VAMP7: variants seen among roughly 807,000 people sequenced by gnomAD.
VAMP7 encodes the protein vesicle associated membrane protein 7.
Under a neutral mutation model 29.6 loss-of-function variants are expected in VAMP7, and 14 were observed. The observed-to-expected ratio is 0.47, with a 90% CI of 0.31 to 0.74. The LOEUF (loss-of-function observed/expected upper bound fraction) is 0.74, where lower values mean the gene tolerates loss of function less well. Ranked by LOEUF, VAMP7 falls within the 30% of genes least tolerant of loss-of-function variation. VAMP7 has a pLI of 0.05. For synonymous variants in VAMP7, 95 were observed against 88.1 expected (o/e 1.08, Z -0.44); for missense variants, 223 against 262.4 (o/e 0.85, Z 1.04).
intron 2 of VAMP7, among the ~76,000 whole-genome samples, chrX:155,893,038 C>T (rs1034767130): frequency 5.3e-5 from 8 of 152,102 alleles, no homozygotes; most frequent in African/African-American, 1.7e-4. Context: ...CAGGCATGAG[C>T]CACCGTGCCT....
At chrX:155,926,307 A>G (rs2066466015) in intron 6 of VAMP7, among the ~76,000 whole-genome samples, 1 of 152,234 alleles carries the variant, frequency 6.6e-6, no homozygotes, top group Admixed American at 6.5e-5. Flanking sequence ...GTTGTTTAGT[A>G]TAGCCACCTT....
Position 155,898,161 on chromosome X carries a change from G to A in VAMP7, c.254G>A (p.Arg85Lys). The A allele has an allele frequency of 6.2e-7, 1 of 1,613,596 alleles. No individual in the cohort carries two copies. The highest frequency in any genetic ancestry group is 1.1e-5 in the South Asian group (1 of 91,034). ...AATTTTCTGAATGAGATAAAGAAGA[G>A]GTTCCAGACTACTTACGGTTCAAGA... ...AFNFLNEIKK[R>K]FQTTYGSRAQ... Residue 85 changes from arginine (R) to lysine (K), a missense_variant, in exon 4 of 8, where the codon AGG (arginine) becomes AAG (lysine). Physicochemically the swap from Arg to Lys is conservative, Grantham distance 26. Coordinates refer to ENST00000286448, the MANE Select transcript of VAMP7 (RefSeq NM_005638.6).
At chrX:155,894,657 C>A (rs377326930) in intron 2 of VAMP7, among the ~76,000 whole-genome samples, 1 of 151,948 alleles carries the variant, frequency 6.6e-6, no homozygotes, top group African/African-American at 2.4e-5. Context: ...ACTTTGTTAC[C>A]CAGGCTGGAG....
At chrX:155,903,046 A>C (rs1231918030) in intron 5 of VAMP7, among the ~76,000 whole-genome samples, 6 of 151,712 alleles carry the variant, frequency 4.0e-5, no homozygotes, top group African/African-American at 1.5e-4. Context: ...ACAATTTCAG[A>C]GCCTGTTATT....
rs753127155 is a variant in VAMP7, at chrX:155,943,587, G to A, written c.*1636G>A. The A allele has an allele frequency of 1.2e-4, 18 of 152,082 alleles. No individual in the cohort carries two copies. The highest frequency in any genetic ancestry group is 1.9e-4 in the Non-Finnish European group (13 of 67,928). The allele number at this position is 152,082 out of a possible 1,614,324, so 9.4% of individuals were successfully genotyped here. A position where few individuals can be genotyped will look rare whatever the true frequency, so the allele number is the denominator to read the frequency against. On this transcript the variant is annotated 3_prime_UTR_variant, in exon 8 of 8. Coordinates refer to ENST00000286448, the MANE Select transcript of VAMP7 (RefSeq NM_005638.6). ...CAAATGTTTTTAATCCAAAGAAAAA[G>A]GTTTAAAGCTTATTTCCCTTTCTTA...
intron 2 of VAMP7, 34 bp downstream of exon 2, chrX:155,889,646 A>G (rs1251398648): frequency 1.2e-6 from 2 of 1,610,882 alleles, no homozygotes; most frequent in Non-Finnish European, 1.7e-6. Flanking sequence ...AAGGGATGAA[A>G]GAAGGGAATT....
intron 1 of VAMP7, among the ~76,000 whole-genome samples, chrX:155,882,435 G>A (rs769711748): frequency 6.6e-6 from 1 of 152,222 alleles, no homozygotes; most frequent in South Asian, 2.1e-4. Flanking sequence ...CAGAGGTCAG[G>A]GCATCGTCCA....
At chrX:155,898,091 T>G (rs1186695972) in intron 3 of VAMP7, 21 bp from the exon 4 acceptor site, 1 of 1,610,810 alleles carries the variant, frequency 6.2e-7, no homozygotes, top group Non-Finnish European at 8.5e-7. Context: ...AAATGTGAGT[T>G]CTGTGTTGAT....
At chrX:155,904,320 A>G (rs1343225080) in intron 5 of VAMP7, among the ~76,000 whole-genome samples, 2 of 151,844 alleles carry the variant, frequency 1.3e-5, no homozygotes, top group Admixed American at 6.6e-5. Flanking sequence ...AAACCTGCAC[A>G]TTGTGCACAT....
intron 6 of VAMP7, among the ~76,000 whole-genome samples, chrX:155,933,552 C>T (rs1464791448): frequency 6.6e-6 from 1 of 151,876 alleles, no homozygotes; most frequent in Non-Finnish European, 1.5e-5. Context: ...TGGTGATATC[C>T]CCTTTTATCA....
chrX:155,888,187 G>C (rs2065887726), intron 1 of VAMP7, among the ~76,000 whole-genome samples: 1 of 152,154 alleles, frequency 6.6e-6, no homozygotes, highest in Admixed American at 6.5e-5. Context: ...CTTCTGCTCT[G>C]TGTGCTGTCC....
intron 5 of VAMP7, among the ~76,000 whole-genome samples, chrX:155,909,919 C>A (rs2066212874): frequency 6.6e-6 from 1 of 152,104 alleles, no homozygotes; most frequent in Non-Finnish European, 1.5e-5. Flanking sequence ...TGTCCATCAG[C>A]TCAAGAATTT....
At chrX:155,913,605 C>T (rs940013710) in intron 5 of VAMP7, among the ~76,000 whole-genome samples, 1 of 152,104 alleles carries the variant, frequency 6.6e-6, no homozygotes, top group African/African-American at 2.4e-5. Flanking sequence ...AGCCAGTTTT[C>T]CCAACACCAT....
intron 6 of VAMP7, among the ~76,000 whole-genome samples, chrX:155,921,722 A>T (rs2124354244): frequency 6.6e-6 from 1 of 152,190 alleles, no homozygotes; most frequent in South Asian, 2.1e-4. Flanking sequence ...ACTTAATAGA[A>T]TTCTTGAAAT....
At chrX:155,902,843 G>C (rs773294977) in intron 5 of VAMP7, among the ~76,000 whole-genome samples, 1,508 of 150,738 alleles carry the variant, frequency 0.01, 14 homozygotes, top group Non-Finnish European at 0.016. Flanking sequence ...TTTTGGTTGT[G>C]TCTCTGCCCG....
Position 155,942,168 on chromosome X carries a change from G to A in VAMP7, c.*217G>A, listed in dbSNP as rs1165963563. The A allele has an allele frequency of 3.1e-5, 48 of 1,543,364 alleles. No homozygotes were observed. The Admixed American group carries it at 8.4e-4, about 27-fold the overall frequency. On this transcript the variant is annotated 3_prime_UTR_variant, in exon 8 of 8. Transcript: ENST00000286448. Reference sequence around the variant, plus strand: ...TCAGATTGAACCATTCATTGCAGCAGTAGCCTTAAAAAGGCTTTTGTTTAT... The same window carrying A: ...TCAGATTGAACCATTCATTGCAGCAATAGCCTTAAAAAGGCTTTTGTTTAT...
chrX:155,937,373 T>C (rs1182777280), intron 6 of VAMP7, among the ~76,000 whole-genome samples: 1 of 152,210 alleles, frequency 6.6e-6, no homozygotes, highest in Non-Finnish European at 1.5e-5. Context: ...TAATAATGTA[T>C]TGAATATTTG....
chrX:155,898,067 T>C, intron 3 of VAMP7, 45 bp from the exon 4 acceptor site: 1 of 1,598,086 alleles, frequency 6.3e-7, no homozygotes, highest in Non-Finnish European at 8.5e-7. Flanking sequence ...TCACATCATC[T>C]TTGTTTACTT....
intron 6 of VAMP7, among the ~76,000 whole-genome samples, chrX:155,923,708 C>T (rs2066428310): frequency 1.3e-5 from 2 of 151,872 alleles, no homozygotes; most frequent in Non-Finnish European, 2.9e-5. Context: ...TAGTTTTCAT[C>T]AAATTATGAA....
Sources: allele counts gnomAD v4.1 joint callset (sites outside exome capture counted in the v4.1 genomes callset), GRCh38; gene constraint gnomAD v4.1.1; transcripts MANE v1.5; gene names NCBI Gene and HGNC (gene_info 2026-07-23, HGNC 2026-07-21).